The following NR4A3 variants were observed in gnomAD, a reference collection of about 807,000 sequenced individuals.
The protein encoded by NR4A3 is chondrosarcoma, extraskeletal myxoid, fused to EWS.
NR4A3 carries 13 observed loss-of-function variants against 55.6 expected under a neutral mutation model. That is an observed-to-expected ratio of 0.23 (90% confidence interval 0.15 to 0.37). NR4A3 has a LOEUF of 0.37. Ranked by LOEUF, NR4A3 falls within the 10% of genes least tolerant of loss-of-function variation. NR4A3 has a pLI of 1.00. For missense variants in NR4A3, 646 were observed against 822.8 expected (o/e 0.79, Z 2.63); for synonymous variants, 342 against 357.9 (o/e 0.96, Z 0.50).
intron 7 of NR4A3, among the ~76,000 whole-genome samples, chr9:99,853,132 T>C (rs1448822590): frequency 6.6e-6 from 1 of 152,110 alleles, no homozygotes; most frequent in Non-Finnish European, 1.5e-5. Context: ...GGGTTAAAGA[T>C]GTCTACTTTC....
At chr9:99,852,364 G>GT (rs1827864257) in intron 7 of NR4A3, among the ~76,000 whole-genome samples, 1 of 152,188 alleles carries the variant, frequency 6.6e-6, no homozygotes, top group Non-Finnish European at 1.5e-5. Context: ...TTTGATGACT[G>GT]TATGTCCTGG....
intron 7 of NR4A3, among the ~76,000 whole-genome samples, chr9:99,857,641 T>C (rs1257077285): frequency 6.6e-6 from 1 of 151,884 alleles, no homozygotes; most frequent in African/African-American, 2.4e-5. Context: ...AAAAATTAGC[T>C]GGGCCTTGGG....
At chr9:99,860,279 C>T (rs1827990366) in intron 7 of NR4A3, among the ~76,000 whole-genome samples, 1 of 151,832 alleles carries the variant, frequency 6.6e-6, no homozygotes, top group South Asian at 2.1e-4. Flanking sequence ...CAGAATCTTC[C>T]CTTCCATATA....
chr9:99,849,053 G>A (rs990899986), intron 7 of NR4A3, among the ~76,000 whole-genome samples: 2 of 152,350 alleles, frequency 1.3e-5, no homozygotes, highest in African/African-American at 4.8e-5. Flanking sequence ...CAAGCAGGTG[G>A]TGAGTTTCCA....
chr9:99,851,768 T>G lies in NR4A3; in HGVS notation c.1633+4153T>G, dbSNP rs140562101. On this transcript the variant is annotated intron_variant, in intron 7 of 7. Coordinates refer to ENST00000395097, the MANE Select transcript of NR4A3 (RefSeq NM_006981.4). The stretch of plus-strand genomic sequence containing the variant: ...TGCTGCATCTCTGAAGTAATGCAAG[T>G]GCTTTGAATCTGGTGGGATACCAAT... Among the ~76,000 whole-genome samples, 384 of 152,354 alleles carry G rather than the reference T, an allele frequency of 2.5e-3. 2 individuals carry two copies. The highest frequency in any genetic ancestry group is 8.8e-3 in the African/African-American group (364 of 41,592).
intron 2 of NR4A3, among the ~76,000 whole-genome samples, 170 bp downstream of exon 2, chr9:99,826,002 A>G (rs902050380): frequency 2.0e-5 from 3 of 152,186 alleles, no homozygotes; most frequent in Non-Finnish European, 4.4e-5. Context: ...TCTGTATACC[A>G]CACCCTGTTG....
At chr9:99,855,785 C>T (rs1450731780) in intron 7 of NR4A3, among the ~76,000 whole-genome samples, 3 of 152,206 alleles carry the variant, frequency 2.0e-5, no homozygotes, top group Non-Finnish European at 4.4e-5. Context: ...GTTTGAGCTA[C>T]ACATACCTCT....
intron 7 of NR4A3, among the ~76,000 whole-genome samples, chr9:99,851,546 T>TC (rs1309668775): frequency 6.6e-6 from 1 of 152,192 alleles, no homozygotes; most frequent in Non-Finnish European, 1.5e-5. Flanking sequence ...GGCTTTTTTT[T>TC]CTCTCATTCT....
Position 99,844,771 on chromosome 9 carries a change from T to A in NR4A3, c.1377T>A (p.Thr459=), listed in dbSNP as rs529277354. The change falls in exon 6 of 8, where the codon ACT becomes ACA. Residue 459 remains threonine (T), a synonymous_variant. Transcript: ENST00000395097. ...RSWAEKIPGF[T]DLPKEDQTLL... ...GGGCAGAAAAGATTCCGGGATTTACTGATCTCCCCAAAGAAGATCAGACAT... is the reference window on the plus strand; with the variant it reads ...GGGCAGAAAAGATTCCGGGATTTACAGATCTCCCCAAAGAAGATCAGACAT... The A allele has an allele frequency of 1.8e-5, 29 of 1,614,206 alleles. No individual in the cohort carries two copies. In the East Asian group the frequency reaches 5.8e-4, roughly 32 times the overall value.
At chr9:99,849,980 G>A (rs1168929812) in intron 7 of NR4A3, among the ~76,000 whole-genome samples, 1 of 152,230 alleles carries the variant, frequency 6.6e-6, no homozygotes, top group Non-Finnish European at 1.5e-5. Flanking sequence ...TGCAGAGGAT[G>A]TCTCCAGGCT....
chr9:99,863,480 A>G (rs10429611), intron 7 of NR4A3, 140 bp from the exon 8 acceptor site: 30,649 of 952,780 alleles, frequency 0.032, 693 homozygotes, highest in African/African-American at 0.077. Context: ...GCCATGAGCT[A>G]TCTCTAACAG....
At chr9:99,832,598 C>A in intron 3 of NR4A3, 91 bp from the exon 4 acceptor site, 3 of 1,120,068 alleles carry the variant, frequency 2.7e-6, no homozygotes, top group Non-Finnish European at 3.7e-6. Context: ...ATTGCACTGT[C>A]GCTTTTCACA....
chr9:99,826,682 A>G, intron 2 of NR4A3: 1 of 1,175,462 alleles, frequency 8.5e-7, no homozygotes. Flanking sequence ...CCTGCTTGTT[A>G]AAGAAAGGCT....
chr9:99,844,900 C>T (rs1827727286), intron 6 of NR4A3, 52 bp downstream of exon 6: 1 of 1,375,900 alleles, frequency 7.3e-7, no homozygotes, highest in African/African-American at 1.4e-5. Flanking sequence ...AAGCCTGAAA[C>T]CTTCTGTGTT....
chr9:99,829,424 C>A (rs918461996), intron 3 of NR4A3, among the ~76,000 whole-genome samples: 1 of 152,210 alleles, frequency 6.6e-6, no homozygotes, highest in South Asian at 2.1e-4. Context: ...TAGAGTCAGA[C>A]ACATCTAAGA....
At chr9:99,823,061 T>G (rs1435082718) in intron 1 of NR4A3, among the ~76,000 whole-genome samples, 1 of 152,216 alleles carries the variant, frequency 6.6e-6, no homozygotes, top group Non-Finnish European at 1.5e-5. Flanking sequence ...GTCGCTGACA[T>G]GCCGGTTTAC....
At position 99,863,725 on chromosome 9, in the gene NR4A3, A is replaced by T; in HGVS notation, c.1739A>T (p.Glu580Val). Residue 580 changes from glutamate (E) to valine (V), a missense_variant, in exon 8 of 8, where the codon GAG (glutamate) becomes GTG (valine). Transcript: ENST00000395097. Reference protein sequence around the residue: ...QSKGQALEPTESKVLGALVEL... With the variant: ...QSKGQALEPTVSKVLGALVEL... The stretch of plus-strand genomic sequence containing the variant: ...AAGGGACAGGCTCTGGAGCCCACCG[A>T]GTCCAAGGTCCTGGGTGCCCTGGTA... 6.2e-7 allele frequency: 1 copy of T among 1,614,036 alleles called. No homozygotes were observed.
intron 7 of NR4A3, among the ~76,000 whole-genome samples, chr9:99,851,999 A>T (rs1418506133): frequency 6.6e-6 from 1 of 152,214 alleles, no homozygotes; most frequent in African/African-American, 2.4e-5. Context: ...TGGGCAGTCT[A>T]CTAGGAAGTC....
At chr9:99,836,296 C>G (rs1420590954) in intron 5 of NR4A3, among the ~76,000 whole-genome samples, 8 of 152,108 alleles carry the variant, frequency 5.3e-5, no homozygotes, top group African/African-American at 1.9e-4. Flanking sequence ...AATGGGAGAG[C>G]CTTGGCAAAG....
Sources: gnomAD v4.1 joint callset for allele counts (sites outside exome capture counted in the v4.1 genomes callset) on GRCh38, gnomAD v4.1.1 for gene constraint, MANE v1.5 for transcripts, NCBI Gene and HGNC (gene_info 2026-07-23, HGNC 2026-07-21) for gene names.